CPS1: variants seen among roughly 807,000 people sequenced by gnomAD.
CPS1 encodes carbamoyl-phosphate synthase [ammonia], mitochondrial.
CPS1 carries 109 observed loss-of-function variants against 174.6 expected under a neutral mutation model. The observed-to-expected ratio is 0.62, with a 90% CI of 0.53 to 0.73. The LOEUF (loss-of-function observed/expected upper bound fraction) is 0.73, where lower values mean the gene tolerates loss of function less well. Ranked by LOEUF, CPS1 falls within the 30% of genes least tolerant of loss-of-function variation. The probability of loss-of-function intolerance (pLI) is 0.00; values close to 1 mark genes in which losing one functional copy is unlikely to be tolerated. For missense variants in CPS1, 1,689 were observed against 1,821.9 expected (o/e 0.93, Z 1.33); for synonymous variants, 637 against 632.0 (o/e 1.01, Z -0.12).
At position 210,594,513 on chromosome 2, in the gene CPS1, G is replaced by C. The variant is rs2106116338; in HGVS notation, c.1170G>C (p.Leu390=). The C allele has an allele frequency of 6.2e-7, 1 of 1,609,062 alleles. No homozygotes were observed. The part of the protein sequence containing the change: ...VTPGPIDTEY[L]FDSFFSLIKK... ...TTGGTTGTATTTTTTTCTAGTACCT[G>C]TTTGATTCCTTTTTCTCACTGATAA... The change falls in exon 12 of 38, where the codon CTG becomes CTC. Residue 390 remains leucine, a synonymous_variant. Coordinates refer to ENST00000233072, the MANE Select transcript of CPS1 (RefSeq NM_001875.5).
At position 210,677,075 on chromosome 2, in the gene CPS1, A is replaced by G. The variant is rs1176597059; in HGVS notation, c.4343A>G (p.Asp1448Gly). Reference sequence around the variant, plus strand: ...AACAACAACACTAAATTTGTCCATGATAATTATGTGATTCGGAGGACAGCT... The same window carrying G: ...AACAACAACACTAAATTTGTCCATGGTAATTATGTGATTCGGAGGACAGCT... ...LPNNNTKFVH[D>G]NYVIRRTAVD... The change falls in exon 37 of 38, where the codon GAT becomes GGT. Residue 1448 changes from aspartate (D) to glycine (G), a missense_variant. Coordinates refer to ENST00000233072, the MANE Select transcript of CPS1 (RefSeq NM_001875.5). The G allele has an allele frequency of 6.2e-7, 1 of 1,613,536 alleles. No homozygotes were observed. The highest frequency in any genetic ancestry group is 8.5e-7 in the Non-Finnish European group (1 of 1,179,570).
At chr2:210,576,629 T>A in intron 3 of CPS1, 139 bp downstream of exon 3, 1 of 933,850 alleles carries the variant, frequency 1.1e-6, no homozygotes, top group Admixed American at 1.8e-5. Context: ...ATCTTATTCC[T>A]AGGTACATGA....
At position 210,647,977 on chromosome 2, in the gene CPS1, G is replaced by A. The variant is rs2105908058; in HGVS notation, c.3256G>A (p.Ala1086Thr). 6.2e-7 allele frequency: 1 copy of A among 1,614,052 alleles called. No homozygotes were observed. The highest frequency in any genetic ancestry group is 1.1e-5 in the South Asian group (1 of 91,086). ...MGTSPLQIDR[A>T]EDRSIFSAVL... Reference sequence around the variant, plus strand: ...CACAAGCCCCCTGCAGATCGACAGGGCTGAGGATCGCTCCATCTTCTCAGC... The same window carrying A: ...CACAAGCCCCCTGCAGATCGACAGGACTGAGGATCGCTCCATCTTCTCAGC... Residue 1086 changes from alanine (A) to threonine (T), a missense_variant, in exon 26 of 38, where the codon GCT becomes ACT. Ala to Thr is a moderately conservative substitution (Grantham distance 58, BLOSUM62 0). Coordinates refer to ENST00000233072, the MANE Select transcript of CPS1 (RefSeq NM_001875.5).
intron 4 of CPS1, 151 bp downstream of exon 4, chr2:210,577,661 G>C (rs1574545444): frequency 1.4e-6 from 1 of 723,984 alleles, no homozygotes; most frequent in East Asian, 2.6e-5. Context: ...CATAAAGGCT[G>C]AAATGTCTGA....
intron 1 of CPS1, among the ~76,000 whole-genome samples, chr2:210,506,287 C>T (rs2105968732): frequency 6.6e-6 from 1 of 152,204 alleles, no homozygotes; most frequent in African/African-American, 2.4e-5. Flanking sequence ...CAGGAGTGGA[C>T]CTCCAGCAAA....
intron 22 of CPS1, 70 bp from the exon 23 acceptor site, chr2:210,639,080 C>T: frequency 7.8e-7 from 1 of 1,284,328 alleles, no homozygotes; most frequent in Non-Finnish European, 1.1e-6. Flanking sequence ...ATATAAAGCA[C>T]AAAAAATTTA....
At chr2:210,654,918 T>C (rs1700661107) in intron 29 of CPS1, among the ~76,000 whole-genome samples, 1 of 152,216 alleles carries the variant, frequency 6.6e-6, no homozygotes, top group South Asian at 2.1e-4. Context: ...TCACATAATC[T>C]TGAGTTGAAA....
chr2:210,615,103 A>G (rs1699260950), intron 20 of CPS1, among the ~76,000 whole-genome samples: 2 of 151,978 alleles, frequency 1.3e-5, no homozygotes, highest in African/African-American at 4.8e-5. Context: ...AAATGACTAC[A>G]GGATTCTAGG....
At chr2:210,558,261 A>G (rs1696982958) in intron 1 of CPS1, among the ~76,000 whole-genome samples, 1 of 152,112 alleles carries the variant, frequency 6.6e-6, no homozygotes, top group African/African-American at 2.4e-5. Flanking sequence ...AATGGACATC[A>G]TGTTTTAAAG....
At chr2:210,557,810 G>T (rs1696963479) in intron 1 of CPS1, among the ~76,000 whole-genome samples, 1 of 152,044 alleles carries the variant, frequency 6.6e-6, no homozygotes, top group Non-Finnish European at 1.5e-5. Context: ...GGAGTGTTCT[G>T]CTTATACTTT....
chr2:210,549,339 A>G (rs899966225), intron 1 of CPS1, among the ~76,000 whole-genome samples: 1 of 152,080 alleles, frequency 6.6e-6, no homozygotes, highest in African/African-American at 2.4e-5. Context: ...TTGTGCAAAG[A>G]AGACTGATGA....
intron 1 of CPS1, among the ~76,000 whole-genome samples, chr2:210,527,304 A>G (rs1391334759): frequency 6.6e-6 from 1 of 152,068 alleles, no homozygotes; most frequent in East Asian, 1.9e-4. Context: ...ACCTCCAGCT[A>G]ACTGCAGGAC....
intron 1 of CPS1, among the ~76,000 whole-genome samples, chr2:210,511,388 G>T (rs1248094528): frequency 1.3e-5 from 2 of 151,994 alleles, no homozygotes; most frequent in Non-Finnish European, 2.9e-5. Context: ...GTTGTGGGGT[G>T]GGGGTAGCGG....
Position 210,622,703 on chromosome 2 carries a change from G to A in CPS1, c.2687+6162G>A, listed in dbSNP as rs1244511821. 6.0e-5 allele frequency among the ~76,000 whole-genome samples: 9 copies of A among 149,104 alleles called. No individual in the cohort carries two copies. In the East Asian group the frequency reaches 1.8e-3, roughly 30 times the overall value. ...CTATTTCAGGACTTTACACCCCCAA[G>A]CATTATTATTTATAATACCAATTTG... On this transcript the variant is annotated intron_variant, in intron 21 of 37. Coordinates refer to ENST00000233072, the MANE Select transcript of CPS1 (RefSeq NM_001875.5).
intron 1 of CPS1, among the ~76,000 whole-genome samples, chr2:210,480,160 T>C (rs1694521143): frequency 6.6e-6 from 1 of 152,148 alleles, no homozygotes; most frequent in East Asian, 1.9e-4. Flanking sequence ...CCTCAGAGTG[T>C]GATGCTCTCA....
At chr2:210,579,090 A>T (rs1265852567) in intron 4 of CPS1, among the ~76,000 whole-genome samples, 2 of 152,198 alleles carry the variant, frequency 1.3e-5, no homozygotes, top group Non-Finnish European at 2.9e-5. Flanking sequence ...GGAAGAAAAA[A>T]AAACTAGAAC....
chr2:210,608,324 T>G (rs371386211), intron 18 of CPS1, 37 bp from the exon 19 acceptor site: 1 of 1,597,790 alleles, frequency 6.3e-7, no homozygotes, highest in African/African-American at 1.3e-5. Context: ...CAATAATTGC[T>G]CGAAGAAAAA....
In CPS1 at chr2:210,677,999, C is replaced by G; in HGVS notation, c.*14C>G. 1 of 1,581,506 alleles carries G rather than the reference C, an allele frequency of 6.3e-7. No individual in the cohort carries two copies. Among genetic ancestry groups the G allele is most frequent in the Non-Finnish European group, 8.7e-7 (1 of 1,150,294 alleles). ...AAAGCAGCATAGAGATGCAGACACCCCAGCCCCATTATTAAATCAACCTGA... is the reference window on the plus strand; with the variant it reads ...AAAGCAGCATAGAGATGCAGACACCGCAGCCCCATTATTAAATCAACCTGA... On this transcript the variant is annotated 3_prime_UTR_variant, in exon 38 of 38. Transcript: ENST00000233072.
chr2:210,567,889 T>C (rs1370862839), intron 1 of CPS1, among the ~76,000 whole-genome samples: 1 of 152,140 alleles, frequency 6.6e-6, no homozygotes, highest in Non-Finnish European at 1.5e-5. Context: ...TGACCAGAAG[T>C]CAGTGAGCAT....
Sources: gnomAD v4.1 joint callset for allele counts (sites outside exome capture counted in the v4.1 genomes callset) on GRCh38, gnomAD v4.1.1 for gene constraint, MANE v1.5 for transcripts, NCBI Gene and HGNC (gene_info 2026-07-23, HGNC 2026-07-21) for gene names.